The following LRRC4C variants were observed in gnomAD, a reference collection of about 807,000 sequenced individuals.
LRRC4C encodes the protein leucine-rich repeat-containing protein 4C.
LRRC4C carries 5 observed loss-of-function variants against 33.6 expected under a neutral mutation model. The ratio of observed to expected loss-of-function variants is 0.15; its 90% CI spans 0.08 to 0.31. The LOEUF (loss-of-function observed/expected upper bound fraction) is 0.31, where lower values mean the gene tolerates loss of function less well. LRRC4C is among the 10% of genes least tolerant of loss of function. LRRC4C has a pLI of 1.00. For synonymous variants in LRRC4C, 329 were observed against 302.0 expected (o/e 1.09, Z -0.93); for missense variants, 560 against 796.7 (o/e 0.70, Z 3.58).
At chr11:40,725,465 G>T (rs368097898) in intron 2 of LRRC4C, among the ~76,000 whole-genome samples, 116 of 151,258 alleles carry the variant, frequency 7.7e-4, no homozygotes, top group African/African-American at 2.8e-3. Context: ...GCAGTGAGCC[G>T]AGAATCCACC....
chr11:41,272,707 C>T (rs891919760), intron 1 of LRRC4C, among the ~76,000 whole-genome samples: 5 of 152,138 alleles, frequency 3.3e-5, no homozygotes, highest in African/African-American at 1.2e-4. Flanking sequence ...TAAATGCTTT[C>T]TCCAGTCCTT....
At chr11:40,683,833 T>C (rs1004830274) in intron 2 of LRRC4C, among the ~76,000 whole-genome samples, 4 of 152,194 alleles carry the variant, frequency 2.6e-5, no homozygotes, top group Non-Finnish European at 5.9e-5. Context: ...AGGAAGCATG[T>C]CATACCAAAG....
intron 2 of LRRC4C, among the ~76,000 whole-genome samples, chr11:40,915,561 A>T (rs1430296206): frequency 8.5e-5 from 13 of 152,242 alleles, no homozygotes. Flanking sequence ...TGGATTAAAG[A>T]CTTAAATGTT....
chr11:40,661,800 T>C (rs1001780465), intron 2 of LRRC4C, among the ~76,000 whole-genome samples: 1 of 152,200 alleles, frequency 6.6e-6, no homozygotes, highest in African/African-American at 2.4e-5. Flanking sequence ...GCAGATGAAA[T>C]AATCCTGTGA....
At chr11:41,100,175 C>G (rs960021397) in intron 1 of LRRC4C, among the ~76,000 whole-genome samples, 4 of 152,058 alleles carry the variant, frequency 2.6e-5, no homozygotes, top group African/African-American at 9.7e-5. Flanking sequence ...TGAAAGAACT[C>G]TATAATGAGA....
intron 1 of LRRC4C, among the ~76,000 whole-genome samples, chr11:41,396,353 GTC>G (rs1364661448): frequency 7.2e-5 from 11 of 152,134 alleles, no homozygotes; most frequent in Non-Finnish European, 8.8e-5. Context: ...AGGTATTGCA[GTC>G]TGACTAATTT....
chr11:40,581,828 G>C, intron 3 of LRRC4C, among the ~76,000 whole-genome samples: 1 of 152,126 alleles, frequency 6.6e-6, no homozygotes, highest in East Asian at 1.9e-4. Context: ...GCTTGAACCT[G>C]AGAGGTGGAG....
chr11:40,704,274 T>C (rs987978750), intron 2 of LRRC4C, among the ~76,000 whole-genome samples: 1 of 152,156 alleles, frequency 6.6e-6, no homozygotes. Context: ...AAGGCTGGGT[T>C]TCCTGGAACC....
chr11:40,453,821 A>G (rs1952010531), intron 3 of LRRC4C, among the ~76,000 whole-genome samples: 1 of 152,196 alleles, frequency 6.6e-6, no homozygotes, highest in Non-Finnish European at 1.5e-5. Flanking sequence ...AAATCACTGT[A>G]CATTGGTACC....
chr11:40,650,279 G>A (rs1432134107), intron 2 of LRRC4C, among the ~76,000 whole-genome samples: 4 of 152,096 alleles, frequency 2.6e-5, no homozygotes, highest in Non-Finnish European at 4.4e-5. Context: ...TGAAGACGAA[G>A]TGATACTTTA....
intron 1 of LRRC4C, among the ~76,000 whole-genome samples, chr11:41,444,286 CT>C (rs1213624453): frequency 1.3e-5 from 2 of 152,146 alleles, no homozygotes; most frequent in African/African-American, 4.8e-5. Context: ...TTCATACAGA[CT>C]TCTTTTCTTG....
At chr11:41,225,148 AG>A (rs2136415528) in intron 1 of LRRC4C, among the ~76,000 whole-genome samples, 1 of 152,254 alleles carries the variant, frequency 6.6e-6, no homozygotes, top group South Asian at 2.1e-4. Flanking sequence ...GGTAGGAGGA[AG>A]ATGTACGGGG....
At position 40,625,369 on chromosome 11, in the gene LRRC4C, T is replaced by C. The variant is rs1962827648; in HGVS notation, c.-270+22773A>G. Among the ~76,000 whole-genome samples, 2 of 152,106 alleles carry C rather than the reference T, an allele frequency of 1.3e-5. 1 individual carries two copies. Among genetic ancestry groups the C allele is most frequent in the South Asian group, 4.1e-4 (2 of 4,826 alleles). ...TTCCACATGGCTAGGGAGGCCTCAC[T>C]AACATAAGGGAAGGTGAAAGAGGAG... On this transcript the variant is annotated intron_variant, in intron 3 of 6. Coordinates refer to ENST00000528697, the MANE Select transcript of LRRC4C (RefSeq NM_001258419.2).
chr11:40,779,280 A>G (rs1950128106), intron 2 of LRRC4C, among the ~76,000 whole-genome samples: 1 of 152,232 alleles, frequency 6.6e-6, no homozygotes, highest in African/African-American at 2.4e-5. Flanking sequence ...ACTGACATAA[A>G]AAATGAATAG....
intron 3 of LRRC4C, among the ~76,000 whole-genome samples, chr11:40,438,832 C>T (rs1951255501): frequency 6.6e-6 from 1 of 150,720 alleles, no homozygotes; most frequent in African/African-American, 2.4e-5. Flanking sequence ...AATATCTATT[C>T]TTAAGTACTT....
chr11:40,647,530 T>C (rs893469542), intron 3 of LRRC4C, among the ~76,000 whole-genome samples: 1 of 152,216 alleles, frequency 6.6e-6, no homozygotes, highest in Non-Finnish European at 1.5e-5. Context: ...CTGCCACTTG[T>C]TTTGAGTCAC....
intron 1 of LRRC4C, among the ~76,000 whole-genome samples, chr11:41,072,921 T>C (rs552074163): frequency 5.3e-5 from 8 of 152,302 alleles, no homozygotes; most frequent in African/African-American, 1.7e-4. Context: ...TCAGGAATTT[T>C]TTATTGGGAT....
chr11:40,341,328 G>A (rs1460782641), intron 3 of LRRC4C, among the ~76,000 whole-genome samples: 2 of 152,048 alleles, frequency 1.3e-5, no homozygotes, highest in Non-Finnish European at 1.5e-5. Flanking sequence ...TATCATTGTT[G>A]GACATTTGGC....
At chr11:41,290,664 A>G (rs1949966325) in intron 1 of LRRC4C, among the ~76,000 whole-genome samples, 1 of 152,158 alleles carries the variant, frequency 6.6e-6, no homozygotes, top group Non-Finnish European at 1.5e-5. Context: ...ATTAGCATGC[A>G]GTATATGTTT....
Sources: gnomAD v4.1 joint callset for allele counts (sites outside exome capture counted in the v4.1 genomes callset) on GRCh38, gnomAD v4.1.1 for gene constraint, MANE v1.5 for transcripts, NCBI Gene and HGNC (gene_info 2026-07-23, HGNC 2026-07-21) for gene names.